BCAR3: variants seen among roughly 807,000 people sequenced by gnomAD.
BCAR3 encodes the protein breast cancer anti-estrogen resistance protein 3.
A neutral mutation model predicts 80.1 loss-of-function variants in BCAR3; 37 were observed. The observed-to-expected ratio is 0.46, with a 90% CI of 0.36 to 0.61. The LOEUF is 0.61. Among genes scored for constraint, BCAR3 ranks in the 20% least tolerant of loss-of-function variants. The pLI is 0.00. For synonymous variants in BCAR3, 389 were observed against 418.9 expected (o/e 0.93, Z 0.87); for missense variants, 978 against 1,068.2 (o/e 0.92, Z 1.18).
chr1:93,788,937 T>C (rs946100692), intron 2 of BCAR3, among the ~76,000 whole-genome samples: 4 of 152,126 alleles, frequency 2.6e-5, no homozygotes, highest in Non-Finnish European at 5.9e-5. Flanking sequence ...TTAGTAAAAA[T>C]AATACCAGCA....
At chr1:93,591,168 T>TA (rs35143036) in intron 4 of BCAR3, among the ~76,000 whole-genome samples, 4,626 of 66,174 alleles carry the variant, frequency 0.07, 826 homozygotes, top group African/African-American at 0.28. Context: ...TCTACTACAT[T>TA]AAAAAAAAAA....
At position 93,728,245 on chromosome 1, in the gene BCAR3, G is replaced by A. The variant is rs1466298127; in HGVS notation, c.-62-22103C>T. ...TCCCCCTCGCAGGGCGTGTGACAGG[G>A]GGAGTGGCTCACTTCCTTAGTACCC... On this transcript the variant is annotated intron_variant, in intron 2 of 13. Transcript: ENST00000370244. Among the ~76,000 whole-genome samples, 4 of 152,226 alleles carry A rather than the reference G, an allele frequency of 2.6e-5. 1 individual carries two copies.
chr1:93,619,182 G>A (rs528257739), intron 3 of BCAR3, among the ~76,000 whole-genome samples: 11 of 149,014 alleles, frequency 7.4e-5, no homozygotes, highest in Admixed American at 2.7e-4. Context: ...TCCTGACCTC[G>A]TGATCCGCCC....
Position 93,585,189 on chromosome 1 carries a change from C to A in BCAR3, c.930-1068G>T, listed in dbSNP as rs985575305. ...CAACCTGCCTGTGAGCACACACCTT[C>A]GCCCAGGGCAGGCCACCAGCCAGCC... is the stretch of plus-strand genomic sequence containing the variant. On this transcript the variant is annotated intron_variant, in intron 5 of 11. Transcript: ENST00000260502. The A allele has an allele frequency of 5.1e-6, 5 of 985,432 alleles. No homozygotes were observed. The African/African-American group carries it at 5.2e-5, about 10-fold the overall frequency. 61.0% of individuals were successfully genotyped at this position (985,432 alleles called of 1,614,324 possible).
At chr1:93,678,233 T>C (rs1567791) in intron 1 of BCAR3, among the ~76,000 whole-genome samples, 43,480 of 152,090 alleles carry the variant, frequency 0.29, 9,076 homozygotes, top group African/African-American at 0.6. Context: ...GATTAGTGAG[T>C]CTTTTTGGTA....
intron 2 of BCAR3, chr1:93,706,217 T>A (rs745644982): frequency 1.3e-5 from 2 of 152,050 alleles, no homozygotes; most frequent in Admixed American, 6.5e-5. Context: ...GGAGGCAGAG[T>A]CACTTGGGTT....
At chr1:93,564,925 CAA>C (rs1280744988) in intron 11 of BCAR3, among the ~76,000 whole-genome samples, 1 of 152,136 alleles carries the variant, frequency 6.6e-6, no homozygotes, top group East Asian at 1.9e-4. Flanking sequence ...AGCCTCTAGC[CAA>C]AGAGTCATGT....
At chr1:93,567,193 C>A in intron 11 of BCAR3, 86 bp downstream of exon 11, 2 of 1,492,474 alleles carry the variant, frequency 1.3e-6, no homozygotes, top group Non-Finnish European at 1.8e-6. Flanking sequence ...TGGTCTTTTT[C>A]TAAGTGAAGT....
rs545721004 is a variant in BCAR3 at position 93,590,982 on chromosome 1, G to A, written c.486+1283C>T. 9.2e-5 allele frequency among the ~76,000 whole-genome samples: 14 copies of A among 152,092 alleles called. No homozygotes were observed. The East Asian group carries it at 1.7e-3, about 19-fold the overall frequency. ...TCTCATACTTGATTTCAAAAAGCCC[G>A]GGAGGATGTATGTACACAAAAGTAT... On this transcript the variant is annotated intron_variant, in intron 4 of 11. Transcript: ENST00000260502.
rs148959832 is a variant in BCAR3, at chr1:93,733,025, A to G, written c.-62-26883T>C. Among the ~76,000 whole-genome samples, 377 of 152,360 alleles carry G rather than the reference A, an allele frequency of 2.5e-3. 4 individuals carry two copies. Among genetic ancestry groups the G allele is most frequent in the African/African-American group, 8.7e-3 (360 of 41,584 alleles). ...TCTGAGTCCCCCAGCAAAGAAAGCA[A>G]CACGAAATACAAAACTGAGACCAAT... On this transcript the variant is annotated intron_variant, in intron 2 of 13. Coordinates refer to the BCAR3 transcript ENST00000370244.
At chr1:93,607,715 C>T (rs996147299) in intron 3 of BCAR3, among the ~76,000 whole-genome samples, 5 of 152,216 alleles carry the variant, frequency 3.3e-5, no homozygotes, top group Non-Finnish European at 5.9e-5. Context: ...GAAGCTCTTT[C>T]CCTCTCCTGT....
intron 8 of BCAR3, among the ~76,000 whole-genome samples, chr1:93,572,807 G>A (rs964897592): frequency 6.6e-6 from 1 of 152,178 alleles, no homozygotes; most frequent in East Asian, 1.9e-4. Flanking sequence ...CTGAACGTTC[G>A]GAGCTTACGA....
intron 2 of BCAR3, among the ~76,000 whole-genome samples, chr1:93,801,338 A>G (rs79582138): frequency 1.3e-5 from 2 of 152,216 alleles, no homozygotes; most frequent in Admixed American, 1.3e-4. Flanking sequence ...CGCAAGTTTC[A>G]CTAGTTCCAA....
At chr1:93,773,431 C>A (rs149168932) in intron 2 of BCAR3, among the ~76,000 whole-genome samples, 1 of 152,182 alleles carries the variant, frequency 6.6e-6, no homozygotes, top group African/African-American at 2.4e-5. Context: ...AAATGGGACA[C>A]CCCTGTGCAG....
intron 2 of BCAR3, among the ~76,000 whole-genome samples, chr1:93,673,383 T>G (rs1194007717): frequency 6.6e-6 from 1 of 152,232 alleles, no homozygotes; most frequent in Non-Finnish European, 1.5e-5. Flanking sequence ...CAGCCCTTCA[T>G]TTAAGATAAT....
At chr1:93,570,027 A>G (rs1673145107) in intron 9 of BCAR3, among the ~76,000 whole-genome samples, 3 of 152,242 alleles carry the variant, frequency 2.0e-5, no homozygotes, top group African/African-American at 7.2e-5. Flanking sequence ...AAATCAGTAT[A>G]TCATGAAAAT....
intron 7 of BCAR3, among the ~76,000 whole-genome samples, chr1:93,580,125 C>G (rs1404511252): frequency 6.6e-6 from 1 of 152,278 alleles, no homozygotes; most frequent in Non-Finnish European, 1.5e-5. Flanking sequence ...TGAGTCATCC[C>G]TCAAGTTCTG....
intron 2 of BCAR3, among the ~76,000 whole-genome samples, chr1:93,655,225 T>C (rs1490227075): frequency 6.6e-6 from 1 of 152,154 alleles, no homozygotes; most frequent in Non-Finnish European, 1.5e-5. Flanking sequence ...TTGAAGGATC[T>C]TAAGCTGGAA....
At chr1:93,723,355 C>G (rs1221276596) in intron 2 of BCAR3, 2 of 152,276 alleles carry the variant, frequency 1.3e-5, no homozygotes, top group African/African-American at 4.8e-5. Context: ...GCGTGGACAC[C>G]CAGCATTCAA....
Sources: gnomAD v4.1 joint callset for allele counts (sites outside exome capture counted in the v4.1 genomes callset) on GRCh38, gnomAD v4.1.1 for gene constraint, MANE v1.5 for transcripts, NCBI Gene and HGNC (gene_info 2026-07-23, HGNC 2026-07-21) for gene names.